Variants in EIF2AK3 observed in about 807,000 individuals in gnomAD.
EIF2AK3 encodes eukaryotic translation initiation factor 2 alpha kinase 3, also known as eukaryotic translation initiation factor 2-alpha kinase 3.
EIF2AK3 carries 50 observed loss-of-function variants against 113.5 expected under a neutral mutation model. The ratio of observed to expected loss-of-function variants is 0.44; its 90% CI spans 0.35 to 0.56. EIF2AK3 has a LOEUF of 0.56. Among genes scored for constraint, EIF2AK3 ranks in the 20% least tolerant of loss-of-function variants. The pLI is 0.00. For missense variants in EIF2AK3, 1,185 were observed against 1,378.0 expected (o/e 0.86, Z 2.22); for synonymous variants, 448 against 495.4 (o/e 0.90, Z 1.27).
Position 88,557,830 on chromosome 2 carries a change from GT to G in EIF2AK3, c.3256del (p.Thr1086GlnfsTer10). The stretch of plus-strand genomic sequence containing the variant: ...GGAGCGAGACCTCTGTCTGAGCACT[GT>G]TTTTCCTGGAAAGTCCAAGTCCTCA... ...VFEDLDFPGK[T>X]VLRQRSRSLS... is the part of the protein sequence containing the mutation. On this transcript the variant is annotated frameshift_variant, in exon 17 of 17. Coordinates refer to ENST00000303236, the MANE Select transcript of EIF2AK3 (RefSeq NM_004836.7). LOFTEE classifies it high-confidence loss of function. 6.2e-7 allele frequency: 1 copy of G among 1,614,124 alleles called. No individual in the cohort carries two copies. Among genetic ancestry groups the G allele is most frequent in the South Asian group, 1.1e-5 (1 of 91,080 alleles).
intron 2 of EIF2AK3, among the ~76,000 whole-genome samples, chr2:88,612,786 A>T (rs183257948): frequency 1.0e-3 from 155 of 152,294 alleles, no homozygotes; most frequent in African/African-American, 3.6e-3. Flanking sequence ...TGTCTTTTCC[A>T]TACTTAATAT....
chr2:88,590,626 G>A (rs1171115146), intron 5 of EIF2AK3, 21 bp from the exon 6 acceptor site: 1 of 1,610,680 alleles, frequency 6.2e-7, no homozygotes, highest in South Asian at 1.1e-5. Flanking sequence ...ATGGAAAAAA[G>A]GTCTTAAATA....
chr2:88,578,674 C>T (rs1276009978), intron 11 of EIF2AK3, among the ~76,000 whole-genome samples: 3 of 149,768 alleles, frequency 2.0e-5, no homozygotes, highest in Non-Finnish European at 3.0e-5. Context: ...GGTGCAAGAC[C>T]CTGTCTCAAA....
At chr2:88,571,785 A>G (rs1351314653) in intron 13 of EIF2AK3, among the ~76,000 whole-genome samples, 2 of 152,272 alleles carry the variant, frequency 1.3e-5, no homozygotes, top group African/African-American at 4.8e-5. Context: ...CTACTACTCT[A>G]TGCTGCCTCT....
At position 88,590,903 on chromosome 2, in the gene EIF2AK3, A is replaced by G; in HGVS notation, c.917T>C (p.Met306Thr). 6.2e-7 allele frequency: 1 copy of G among 1,614,078 alleles called. No individual in the cohort carries two copies. The highest frequency in any genetic ancestry group is 8.5e-7 in the Non-Finnish European group (1 of 1,179,988). Residue 306 changes from methionine (M) to threonine (T), a missense_variant, in exon 5 of 17, where the codon ATG becomes ACG. Met to Thr is a moderately conservative substitution (Grantham distance 81). Coordinates refer to ENST00000303236, the MANE Select transcript of EIF2AK3 (RefSeq NM_004836.7). ...AACCGAAACCTTTATCACTATGTCCATTATGGCAGCTTCCTGTTCTTCCAC... is the reference window on the plus strand; with the variant it reads ...AACCGAAACCTTTATCACTATGTCCGTTATGGCAGCTTCCTGTTCTTCCAC... Reference protein sequence around the residue: ...SDVEEQEAAIMDIVIKVSVAD... With the variant: ...SDVEEQEAAITDIVIKVSVAD...
intron 2 of EIF2AK3, among the ~76,000 whole-genome samples, chr2:88,596,443 T>C (rs1023466236): frequency 2.0e-5 from 3 of 152,014 alleles, no homozygotes; most frequent in Non-Finnish European, 4.4e-5. Flanking sequence ...AATAAGTAAA[T>C]TATATGGTAT....
At chr2:88,595,737 T>C (rs1219529685) in intron 2 of EIF2AK3, 74 bp from the exon 3 acceptor site, 2 of 1,352,852 alleles carry the variant, frequency 1.5e-6, no homozygotes, top group African/African-American at 1.5e-5. Flanking sequence ...CCCAGAAAAA[T>C]AGAAGCATCA....
At chr2:88,571,633 A>T (rs1674311854) in intron 13 of EIF2AK3, among the ~76,000 whole-genome samples, 1 of 152,174 alleles carries the variant, frequency 6.6e-6, no homozygotes, top group Non-Finnish European at 1.5e-5. Flanking sequence ...GGACCTTGTG[A>T]TCCACTGCCA....
chr2:88,624,202 A>T (rs1274729073), intron 1 of EIF2AK3, among the ~76,000 whole-genome samples: 1 of 152,160 alleles, frequency 6.6e-6, no homozygotes, highest in African/African-American at 2.4e-5. Context: ...CATGTTGGCC[A>T]GGCCGGTCTC....
At chr2:88,589,699 A>G (rs1225895323) in intron 6 of EIF2AK3, among the ~76,000 whole-genome samples, 4 of 150,764 alleles carry the variant, frequency 2.7e-5, no homozygotes, top group African/African-American at 7.3e-5. Context: ...ATATATATAT[A>G]AACAGACAGA....
At chr2:88,609,945 CAAAAAAA>C (rs71378880) in intron 2 of EIF2AK3, among the ~76,000 whole-genome samples, 2 of 38,800 alleles carry the variant, frequency 5.2e-5, no homozygotes, top group Non-Finnish European at 9.7e-5. Flanking sequence ...TCCATCTCTA[CAAAAAAA>C]AAAAAAAAAA....
intron 2 of EIF2AK3, among the ~76,000 whole-genome samples, chr2:88,600,878 A>T (rs185557425): frequency 1.3e-3 from 204 of 152,174 alleles, no homozygotes; most frequent in African/African-American, 4.7e-3. Context: ...TATGCAGCCA[A>T]CCCCTCTCCC....
intron 9 of EIF2AK3, among the ~76,000 whole-genome samples, chr2:88,583,920 T>C (rs1368118067): frequency 6.6e-6 from 1 of 151,990 alleles, no homozygotes; most frequent in Non-Finnish European, 1.5e-5. Flanking sequence ...AAAAACCCAG[T>C]AACAATAACA....
chr2:88,620,373 T>C (rs751950216), intron 1 of EIF2AK3, among the ~76,000 whole-genome samples: 2 of 152,190 alleles, frequency 1.3e-5, no homozygotes, highest in African/African-American at 2.4e-5. Flanking sequence ...ACCTGCCAAA[T>C]GAACACTGTG....
At chr2:88,562,768 C>T (rs747896406) in intron 14 of EIF2AK3, among the ~76,000 whole-genome samples, 10 of 152,214 alleles carry the variant, frequency 6.6e-5, no homozygotes, top group Non-Finnish European at 1.5e-4. Flanking sequence ...CATTTCTAAT[C>T]ATCTTAGTCC....
upstream of EIF2AK3, chr2:88,627,587 A>G: frequency 3.1e-6 from 1 of 323,918 alleles, no homozygotes; most frequent in African/African-American, 2.2e-5. Context: ...CTGGTGGTCA[A>G]CATCGCACCT....
chr2:88,616,662 G>A (rs756266549), intron 1 of EIF2AK3, among the ~76,000 whole-genome samples: 3 of 151,894 alleles, frequency 2.0e-5, no homozygotes, highest in African/African-American at 4.8e-5. Flanking sequence ...CCTGACCTGA[G>A]GTGATCCGCC....
rs372535313 is a variant in EIF2AK3 at position 88,626,996 on chromosome 2, G to A, written c.279C>T (p.Asp93=). 2.5e-6 allele frequency: 4 copies of A among 1,609,124 alleles called. No homozygotes were observed. Among genetic ancestry groups the A allele is most frequent in the East Asian group, 4.5e-5 (2 of 44,768 alleles). The part of the protein sequence containing the change: ...GEQEPRGPEP[D]DETELRPRGR... ...CGCGCGGTCGCAACTCTGTCTCATC[G>A]TCTGGTTCCGGACCCCGAGGCTCCT... The change falls in exon 1 of 17, where the codon GAC becomes GAT. Residue 93 remains aspartate, a synonymous_variant. Transcript: ENST00000303236.
At chr2:88,607,804 A>C (rs530963319) in intron 2 of EIF2AK3, among the ~76,000 whole-genome samples, 1 of 152,354 alleles carries the variant, frequency 6.6e-6, no homozygotes, top group Admixed American at 6.5e-5. Flanking sequence ...CCTTAAATGT[A>C]GTAAAAGGGA....
Sources: gnomAD v4.1 joint callset for allele counts (sites outside exome capture counted in the v4.1 genomes callset) on GRCh38, gnomAD v4.1.1 for gene constraint, MANE v1.5 for transcripts, NCBI Gene and HGNC (gene_info 2026-07-23, HGNC 2026-07-21) for gene names.